Variants in CCNJL observed in about 807,000 individuals in gnomAD.
The protein encoded by CCNJL is cyclin J like.
CCNJL carries 33 observed loss-of-function variants against 33.4 expected under a neutral mutation model. The observed-to-expected ratio is 0.99, with a 90% CI of 0.75 to 1.32. The LOEUF (loss-of-function observed/expected upper bound fraction) is 1.32. CCNJL is among the 40% of genes most tolerant of loss of function. The pLI, the probability that CCNJL is intolerant of heterozygous loss-of-function variation, is 0.00. For synonymous variants in CCNJL, 227 were observed against 220.9 expected (o/e 1.03, Z -0.24); for missense variants, 512 against 499.7 (o/e 1.02, Z -0.23).
At chr5:160,283,789 T>C (rs1377913468) in intron 2 of CCNJL, among the ~76,000 whole-genome samples, 1 of 150,904 alleles carries the variant, frequency 6.6e-6, no homozygotes, top group Non-Finnish European at 1.5e-5. Context: ...CTTCCCAGCC[T>C]TTGGTAACCA....
chr5:160,266,960 TG>T (rs1322906561), intron 3 of CCNJL, among the ~76,000 whole-genome samples: 1 of 151,466 alleles, frequency 6.6e-6, no homozygotes, highest in Non-Finnish European at 1.5e-5. Context: ...GAAAGGGGAG[TG>T]AGTGTTGCGT....
Position 160,281,920 on chromosome 5 carries a change from C to T in CCNJL, c.67-1182G>A, listed in dbSNP as rs183898040. Among the ~76,000 whole-genome samples, 79 of 152,242 alleles carry T rather than the reference C, an allele frequency of 5.2e-4. No individual in the cohort carries two copies. In the East Asian group the frequency reaches 0.011, roughly 22 times the overall value. ...TCCTTCCCACCTTGGCCTCCTAAAG[C>T]GCTGGGATTACAGGCCTGAGCCATC... On this transcript the variant is annotated intron_variant, in intron 2 of 5. Transcript: ENST00000257536.
rs377553131 is a variant in CCNJL, at chr5:160,253,396, G to A, written c.1146C>T (p.Thr382=). 73 of 1,586,610 alleles carry A rather than the reference G, an allele frequency of 4.6e-5. No individual in the cohort carries two copies. The highest frequency in any genetic ancestry group is 1.6e-4 in the East Asian group (7 of 44,558). The change falls in exon 6 of 6, where the codon ACC becomes ACT. Residue 382 remains threonine, a synonymous_variant. Coordinates refer to ENST00000257536, the MANE Select transcript of CCNJL (RefSeq NM_001308173.3). The stretch of plus-strand genomic sequence containing the variant: ...AGGTGGCCTATCTGTCAAAGCAGCC[G>A]GTGGGGAACATGTGGCTCCCACTGA... ...SYFSGSHMFP[T]GCFDR is the part of the protein sequence containing the mutation.
intron 3 of CCNJL, among the ~76,000 whole-genome samples, chr5:160,261,884 A>T (rs1761351772): frequency 6.6e-6 from 1 of 152,214 alleles, no homozygotes; most frequent in Admixed American, 6.5e-5. Flanking sequence ...CTGTGCCACC[A>T]GTTCCCAGCA....
At chr5:160,323,122 G>A (rs1763493620) in intron 1 of CCNJL, among the ~76,000 whole-genome samples, 1 of 151,130 alleles carries the variant, frequency 6.6e-6, no homozygotes, top group Non-Finnish European at 1.5e-5. Flanking sequence ...GTAGTCCCAG[G>A]TACTCGGGAG....
At chr5:160,280,010 C>T (rs1440126454) in intron 3 of CCNJL, among the ~76,000 whole-genome samples, 1 of 152,204 alleles carries the variant, frequency 6.6e-6, no homozygotes, top group Non-Finnish European at 1.5e-5. Flanking sequence ...AGGGCTGTGC[C>T]CAGGCCTGGT....
At chr5:160,299,940 C>T (rs534412035) in intron 2 of CCNJL, among the ~76,000 whole-genome samples, 12 of 152,008 alleles carry the variant, frequency 7.9e-5, no homozygotes, top group Admixed American at 2.0e-4. Flanking sequence ...ATGGACGGAC[C>T]GCAGTGTGGC....
chr5:160,326,906 G>A, intron 1 of CCNJL: 1 of 669,016 alleles, frequency 1.5e-6, no homozygotes, highest in East Asian at 3.5e-5. Flanking sequence ...ACAAAGTCAT[G>A]AATACGACCG....
Position 160,253,708 on chromosome 5 carries a change from C to A in CCNJL, c.834G>T (p.Val278=). The A allele has an allele frequency of 6.2e-7, 1 of 1,600,436 alleles. No individual in the cohort carries two copies. ...VPGTPPTPTQ[V]LFQPPAYPAL... Reference sequence around the variant, plus strand: ...CCGGGTAGGCTGGTGGCTGGAACAGCACTTGAGTGGGGGTGGGGGGTGTGC... The same window carrying A: ...CCGGGTAGGCTGGTGGCTGGAACAGAACTTGAGTGGGGGTGGGGGGTGTGC... The change falls in exon 6 of 6, where the codon GTG becomes GTT. Residue 278 remains valine (V), a synonymous_variant. Coordinates refer to ENST00000257536, the MANE Select transcript of CCNJL (RefSeq NM_001308173.3).
At chr5:160,306,508 G>A (rs1184711704) in intron 2 of CCNJL, among the ~76,000 whole-genome samples, 1 of 152,068 alleles carries the variant, frequency 6.6e-6, no homozygotes, top group Non-Finnish European at 1.5e-5. Flanking sequence ...CTGGAGCCCA[G>A]GAAGATAAAG....
At chr5:160,272,750 T>A (rs1245000593) in intron 3 of CCNJL, among the ~76,000 whole-genome samples, 2 of 152,160 alleles carry the variant, frequency 1.3e-5, no homozygotes, top group Non-Finnish European at 1.5e-5. Context: ...GTTGGTTGAG[T>A]TAAAACTTCT....
intron 1 of CCNJL, among the ~76,000 whole-genome samples, chr5:160,319,525 C>T (rs1011467971): frequency 6.6e-6 from 1 of 152,184 alleles, no homozygotes; most frequent in South Asian, 2.1e-4. Flanking sequence ...CTATCTACCC[C>T]ACACACTTCA....
intron 1 of CCNJL, among the ~76,000 whole-genome samples, chr5:160,319,685 C>T (rs1365829430): frequency 4.6e-5 from 7 of 152,128 alleles, no homozygotes; most frequent in African/African-American, 1.7e-4. Context: ...AATCCCAGTA[C>T]GTTGGGAGGC....
At chr5:160,308,601 T>C (rs572697427) in intron 2 of CCNJL, among the ~76,000 whole-genome samples, 2 of 152,170 alleles carry the variant, frequency 1.3e-5, no homozygotes, top group African/African-American at 4.8e-5. Flanking sequence ...CTACTAAAAA[T>C]ACGAAAATTA....
At chr5:160,309,296 G>T (rs1381617876) in intron 2 of CCNJL, among the ~76,000 whole-genome samples, 2 of 152,190 alleles carry the variant, frequency 1.3e-5, no homozygotes, top group African/African-American at 2.4e-5. Context: ...TCAAGTTTTT[G>T]ATACCCTGTA....
intron 1 of CCNJL, among the ~76,000 whole-genome samples, chr5:160,320,726 C>G (rs1382856673): frequency 6.6e-6 from 1 of 152,180 alleles, no homozygotes; most frequent in African/African-American, 2.4e-5. Context: ...TGAGATATCT[C>G]CTGATTTTAA....
At chr5:160,292,260 A>C (rs954899943) in intron 2 of CCNJL, among the ~76,000 whole-genome samples, 3 of 152,186 alleles carry the variant, frequency 2.0e-5, no homozygotes, top group Non-Finnish European at 4.4e-5. Flanking sequence ...CATTATGATG[A>C]ATAGTTTTAT....
At position 160,320,246 on chromosome 5, in the gene CCNJL, G is replaced by A. The variant is rs186147116; in HGVS notation, n.207-4741C>T. On this transcript the variant is annotated intron_variant and non_coding_transcript_variant, in intron 1 of 7. Coordinates refer to the CCNJL transcript ENST00000377503. ...ATAACAGAGCAGGCTAGAACCTTCC[G>A]ATGACATTGCTCTTTGGAGCCTGAA... is the stretch of plus-strand genomic sequence containing the variant. Among the ~76,000 whole-genome samples, 67 of 152,266 alleles carry A rather than the reference G, an allele frequency of 4.4e-4. 1 individual carries two copies. Among genetic ancestry groups the A allele is most frequent in the Non-Finnish European group, 2.8e-4 (19 of 68,024 alleles).
At chr5:160,339,385 C>CA in intron 1 of CCNJL, 2 of 338,756 alleles carry the variant, frequency 5.9e-6, no homozygotes, top group South Asian at 4.6e-5. Context: ...AAAAAAACGC[C>CA]AAAACCCCAA....
Sources: allele counts gnomAD v4.1 joint callset (sites outside exome capture counted in the v4.1 genomes callset), GRCh38; gene constraint gnomAD v4.1.1; transcripts MANE v1.5; gene names NCBI Gene and HGNC (gene_info 2026-07-23, HGNC 2026-07-21).